Variants in CHRNB4 observed in about 807,000 individuals in gnomAD.
The protein encoded by CHRNB4 is cholinergic receptor nicotinic beta 4 subunit.
Under a neutral mutation model 40.4 loss-of-function variants are expected in CHRNB4, and 23 were observed. That is an observed-to-expected ratio of 0.57 (90% confidence interval 0.41 to 0.81). The LOEUF is 0.81. Ranked by LOEUF, CHRNB4 falls within the 30% of genes least tolerant of loss-of-function variation. The pLI, the probability that CHRNB4 is intolerant of heterozygous loss-of-function variation, is 0.00. For synonymous variants in CHRNB4, 285 were observed against 274.4 expected (o/e 1.04, Z -0.38); for missense variants, 568 against 670.6 (o/e 0.85, Z 1.69).
At chr15:78,630,862 C>T (rs1398397353) in intron 4 of CHRNB4, 1 of 559,572 alleles carries the variant, frequency 1.8e-6, no homozygotes, top group Non-Finnish European at 3.2e-6. Context: ...GTGAATCAGA[C>T]AAGGTCCCTC....
intron 1 of CHRNB4, among the ~76,000 whole-genome samples, chr15:78,659,878 A>G (rs1384800934): frequency 1.3e-5 from 2 of 152,118 alleles, no homozygotes; most frequent in Non-Finnish European, 2.9e-5. Flanking sequence ...TCAATGTGGG[A>G]GCAGGGAACC....
intron 2 of CHRNB4, among the ~76,000 whole-genome samples, chr15:78,634,235 G>A (rs761838462): frequency 2.0e-5 from 3 of 152,180 alleles, no homozygotes; most frequent in Non-Finnish European, 2.9e-5. Flanking sequence ...CTATAGGGCC[G>A]GCAGAGCAGA....
At position 78,631,181 on chromosome 15, in the gene CHRNB4, C is replaced by T; in HGVS notation, c.254G>A (p.Trp85Ter). 3.1e-6 allele frequency: 5 copies of T among 1,614,204 alleles called. No homozygotes were observed. Among genetic ancestry groups the T allele is most frequent in the Non-Finnish European group, 4.2e-6 (5 of 1,180,018 alleles). ...GTTCCAGGTCAGGCGGTAATCAGTC[C>T]ATTCCTGGACAGACAGGCAAGGCCC... ...MTTNVWLKQE[W>*]TDYRLTWNSS... The change falls in exon 4 of 6, where the codon TGG becomes TAG. Residue 85 changes from tryptophan to a stop codon, truncating the protein, a stop_gained. Transcript: ENST00000261751. LOFTEE classifies it high-confidence loss of function.
At chr15:78,654,408 T>TGAGCAC (rs1170995351) in intron 5 of CHRNB4, among the ~76,000 whole-genome samples, 1 of 152,238 alleles carries the variant, frequency 6.6e-6, no homozygotes, top group East Asian at 1.9e-4. Flanking sequence ...TCCCATCTGC[T>TGAGCAC]GAGCACTATG....
Position 78,625,014 on chromosome 15 carries a change from G to T in CHRNB4, c.*119C>A. The stretch of plus-strand genomic sequence containing the variant: ...GTTCCACGGCTGTGGCTGGTTTGAT[G>T]GGGTTGATGGCCAATGCTCACATAT... On this transcript the variant is annotated 3_prime_UTR_variant, in exon 6 of 6. Transcript: ENST00000261751. The T allele has an allele frequency of 6.3e-7, 1 of 1,597,764 alleles. No individual in the cohort carries two copies. The highest frequency in any genetic ancestry group is 1.3e-5 in the African/African-American group (1 of 74,946).
intron 6 of CHRNB4, among the ~76,000 whole-genome samples, chr15:78,649,661 C>T (rs2054155352): frequency 1.3e-5 from 2 of 152,194 alleles, no homozygotes; most frequent in South Asian, 4.2e-4. Flanking sequence ...TGAATATGTA[C>T]AAATCACATA....
At chr15:78,656,815 G>GT (rs2054217965) in intron 3 of CHRNB4, 1 of 152,196 alleles carries the variant, frequency 6.6e-6, no homozygotes, top group Non-Finnish European at 1.5e-5. Flanking sequence ...GGTGGTGAGA[G>GT]TTGGGGCAGA....
chr15:78,644,887 C>A (rs1038636280), upstream of CHRNB4, among the ~76,000 whole-genome samples: 11 of 152,204 alleles, frequency 7.2e-5, no homozygotes, highest in African/African-American at 2.7e-4. Flanking sequence ...GCATTGCCAA[C>A]CACATATATG....
chr15:78,653,638 AG>A (rs35238224), intron 5 of CHRNB4, among the ~76,000 whole-genome samples: 44,537 of 152,062 alleles, frequency 0.29, 7,716 homozygotes, highest in Non-Finnish European at 0.41. Context: ...TAGCATCTTC[AG>A]GCTTTACCTC....
At chr15:78,651,731 G>A (rs1016454893) in intron 6 of CHRNB4, among the ~76,000 whole-genome samples, 10 of 152,208 alleles carry the variant, frequency 6.6e-5, no homozygotes, top group African/African-American at 2.4e-4. Flanking sequence ...CATCAAGGAG[G>A]GTGTAAGCGG....
At chr15:78,655,804 G>A (rs961503254) in intron 4 of CHRNB4, 2 of 152,108 alleles carry the variant, frequency 1.3e-5, no homozygotes, top group African/African-American at 4.8e-5. Flanking sequence ...GAATTACATT[G>A]AGTATATAGA....
chr15:78,625,338 CCCT>C lies in CHRNB4; in HGVS notation c.1339-50_1339-48del, dbSNP rs2053627762. ...GGTCACAGGTGCCAAGTACTGGGGTCCCTCCTTTCCCCGAGTCAGGCCCTTACT... is the reference window on the plus strand; with the variant it reads ...GGTCACAGGTGCCAAGTACTGGGGTCCCTTTCCCCGAGTCAGGCCCTTACT... On this transcript the variant is annotated intron_variant, in intron 5 of 5. Coordinates refer to ENST00000261751, the MANE Select transcript of CHRNB4 (RefSeq NM_000750.5). 6 of 1,490,602 alleles carry C rather than the reference CCCT, an allele frequency of 4.0e-6. No individual in the cohort carries two copies. In the African/African-American group the frequency reaches 4.2e-5, roughly 10 times the overall value. The allele number at this position is 1,490,602 out of a possible 1,614,324, so 92.3% of individuals were successfully genotyped here. A position where few individuals can be genotyped will look rare whatever the true frequency, so the allele number is the denominator to read the frequency against.
chr15:78,640,483 G>T (rs2054046140), intron 1 of CHRNB4, among the ~76,000 whole-genome samples: 1 of 152,236 alleles, frequency 6.6e-6, no homozygotes, highest in Non-Finnish European at 1.5e-5. Flanking sequence ...TTTGCTGGGA[G>T]ATCCACCCCC....
At chr15:78,625,325 C>T in intron 5 of CHRNB4, 34 bp from the exon 6 acceptor site, 1 of 1,516,930 alleles carries the variant, frequency 6.6e-7, no homozygotes. Context: ...TCACAGGTGC[C>T]AAGTACTGGG....
chr15:78,661,340 C>G, upstream of CHRNB4: 1 of 565,616 alleles, frequency 1.8e-6, no homozygotes, highest in South Asian at 1.5e-5. Flanking sequence ...CTCCTGAACC[C>G]GCACATCATC....
rs1443830160 is a variant in CHRNB4, at chr15:78,641,114, A to G, written c.20T>C (p.Leu7Pro). The G allele has an allele frequency of 3.2e-5, 51 of 1,579,148 alleles. No individual in the cohort carries two copies. Among genetic ancestry groups the G allele is most frequent in the Non-Finnish European group, 4.3e-5 (50 of 1,163,798 alleles). MRRAPS[L>P]VLFFLVALCG... The stretch of plus-strand genomic sequence containing the variant: ...AAGGGCGACCAGGAAGAAAAGGACC[A>G]GGGAAGGCGCGCGCCTCATGGCCGG... The change falls in exon 1 of 6, where the codon CTG becomes CCG. Residue 7 changes from leucine (L) to proline (P), a missense_variant. Leu to Pro is a moderately conservative substitution (Grantham distance 98, BLOSUM62 -3). Coordinates refer to ENST00000261751, the MANE Select transcript of CHRNB4 (RefSeq NM_000750.5).
chr15:78,651,850 T>A (rs2054174901), intron 6 of CHRNB4, among the ~76,000 whole-genome samples: 1 of 152,156 alleles, frequency 6.6e-6, no homozygotes. Context: ...TTCAGCCCCT[T>A]AGCAGAACTT....
At chr15:78,625,326 A>C (rs761754231) in intron 5 of CHRNB4, 35 bp from the exon 6 acceptor site, 1 of 1,515,794 alleles carries the variant, frequency 6.6e-7, no homozygotes, top group East Asian at 2.3e-5. Context: ...CACAGGTGCC[A>C]AGTACTGGGG....
At position 78,657,642 on chromosome 15, in the gene CHRNB4, C is replaced by G. The variant is rs550944146; in HGVS notation, c.-760-259G>C. The stretch of plus-strand genomic sequence containing the variant: ...GATCTCGGCTCACTGCAAGCTCAGC[C>G]TCCCGGGTTCACGCCATTCTCCTGC... On this transcript the variant is annotated intron_variant and NMD_transcript_variant, in intron 2 of 11. Coordinates refer to the CHRNB4 transcript ENST00000559849. Among the ~76,000 whole-genome samples the G allele has an allele frequency of 1.6e-4, 24 of 146,644 alleles. No individual in the cohort carries two copies. In the East Asian group the frequency reaches 3.5e-3, roughly 21 times the overall value.
Sources: allele counts gnomAD v4.1 joint callset (sites outside exome capture counted in the v4.1 genomes callset), GRCh38; gene constraint gnomAD v4.1.1; transcripts MANE v1.5; gene names NCBI Gene and HGNC (gene_info 2026-07-23, HGNC 2026-07-21).